The following MRPS5 variants were observed in gnomAD, a reference collection of about 807,000 sequenced individuals.
The protein encoded by MRPS5 is small ribosomal subunit protein uS5m.
MRPS5 carries 27 observed loss-of-function variants against 51.9 expected under a neutral mutation model. The ratio of observed to expected loss-of-function variants is 0.52; its 90% CI spans 0.38 to 0.72. MRPS5 has a LOEUF of 0.72. MRPS5 is among the 30% of genes least tolerant of loss of function. MRPS5 has a pLI of 0.00. For synonymous variants in MRPS5, 196 were observed against 193.2 expected (o/e 1.01, Z -0.12); for missense variants, 570 against 545.7 (o/e 1.04, Z -0.44).
At position 95,087,199 on chromosome 2, in the gene MRPS5, TCAA is replaced by T; in HGVS notation, c.*155_*157del. The T allele has an allele frequency of 1.7e-6, 1 of 597,052 alleles. No individual in the cohort carries two copies. Among genetic ancestry groups the T allele is most frequent in the Non-Finnish European group, 2.9e-6 (1 of 341,562 alleles). The allele number at this position is 597,052 out of a possible 1,614,324, so 37.0% of individuals were successfully genotyped here. ...TATCACATTGGCATATAACATGTGC[TCAA>T]CAAATGAAAGCTATAATTATTTATT... On this transcript the variant is annotated 3_prime_UTR_variant, in exon 12 of 12. Coordinates refer to ENST00000272418, the MANE Select transcript of MRPS5 (RefSeq NM_031902.5).
chr2:95,089,791 G>C (rs1675403867), intron 11 of MRPS5, among the ~76,000 whole-genome samples: 1 of 152,182 alleles, frequency 6.6e-6, no homozygotes, highest in Non-Finnish European at 1.5e-5. Context: ...TGGAGCTTTA[G>C]AACAAGCAGG....
intron 10 of MRPS5, among the ~76,000 whole-genome samples, chr2:95,099,137 C>T (rs797001491): frequency 1.3e-5 from 2 of 151,420 alleles, no homozygotes; most frequent in Non-Finnish European, 2.9e-5. Context: ...CCAAGATGGT[C>T]TCAATCTCCG....
intron 10 of MRPS5, 159 bp from the exon 11 acceptor site, chr2:95,090,681 A>T: frequency 1.5e-6 from 1 of 665,814 alleles, no homozygotes; most frequent in Non-Finnish European, 2.5e-6. Flanking sequence ...CAACTTACTT[A>T]ACTTCCAAGA....
At chr2:95,114,045 G>A (rs1377062534) in intron 3 of MRPS5, among the ~76,000 whole-genome samples, 3 of 144,756 alleles carry the variant, frequency 2.1e-5, no homozygotes, top group Non-Finnish European at 3.0e-5. Flanking sequence ...GCTCAAGCCC[G>A]GGAGGTGGAG....
chr2:95,090,319 G>A (rs1293487774), intron 11 of MRPS5, 67 bp downstream of exon 11: 125 of 1,561,802 alleles, frequency 8.0e-5, no homozygotes, highest in Non-Finnish European at 1.0e-4. Flanking sequence ...CCAGGGCATC[G>A]TAGCCCCAAC....
intron 7 of MRPS5, among the ~76,000 whole-genome samples, chr2:95,102,238 G>A (rs1219051750): frequency 6.6e-6 from 1 of 151,682 alleles, no homozygotes; most frequent in Non-Finnish European, 1.5e-5. Context: ...AAATTTAGAT[G>A]TATTTATAAA....
chr2:95,099,799 C>G (rs376729891), intron 10 of MRPS5, among the ~76,000 whole-genome samples: 1 of 152,250 alleles, frequency 6.6e-6, no homozygotes, highest in African/African-American at 2.4e-5. Flanking sequence ...GCTCTAGCAA[C>G]GTTGTATTAG....
At chr2:95,088,253 T>G (rs1239605869) in intron 11 of MRPS5, among the ~76,000 whole-genome samples, 2 of 152,204 alleles carry the variant, frequency 1.3e-5, no homozygotes, top group African/African-American at 4.8e-5. Context: ...CAGGGTATTT[T>G]TTAAAATCCT....
chr2:95,111,544 T>C (rs1421140334), intron 3 of MRPS5, among the ~76,000 whole-genome samples: 2 of 152,118 alleles, frequency 1.3e-5, no homozygotes, highest in East Asian at 3.8e-4. Context: ...AAGAGGAAAA[T>C]AAAATATCTA....
Position 95,085,449 on chromosome 2 carries a change from G to C in MRPS5, c.*1908C>G, listed in dbSNP as rs187780058. On this transcript the variant is annotated 3_prime_UTR_variant, in exon 12 of 12. Transcript: ENST00000272418. ...TTTATATTTGTTAGGTACTTAAGAA[G>C]GAAAACTAACAGGACAGATAAGTTT... is the stretch of plus-strand genomic sequence containing the variant. 1.2e-4 allele frequency among the ~76,000 whole-genome samples: 18 copies of C among 152,264 alleles called. No homozygotes were observed. Among genetic ancestry groups the C allele is most frequent in the Admixed American group, 1.2e-3 (18 of 15,298 alleles).
At chr2:95,091,769 A>G (rs796212881) in intron 10 of MRPS5, 3 of 152,340 alleles carry the variant, frequency 2.0e-5, no homozygotes, top group African/African-American at 7.2e-5. Context: ...ATTATGCCAG[A>G]GCATGCAAGA....
intron 6 of MRPS5, among the ~76,000 whole-genome samples, chr2:95,105,227 ATTCTGTGTATTTTT>A (rs1255449797): frequency 6.6e-6 from 1 of 152,226 alleles, no homozygotes; most frequent in African/African-American, 2.4e-5. Flanking sequence ...ATACCTGCTT[ATTCTGTGTATTTTT>A]TTCTGTGTAT....
In MRPS5 at chr2:95,121,730, T is replaced by C; in HGVS notation, c.58+4A>G. 1 of 1,542,144 alleles carries C rather than the reference T, an allele frequency of 6.5e-7. No homozygotes were observed. Among genetic ancestry groups the C allele is most frequent in the Non-Finnish European group, 8.7e-7 (1 of 1,152,286 alleles). On this transcript the variant is annotated splice_donor_region_variant and intron_variant, in intron 1 of 11. Transcript: ENST00000272418. ...GCCCCTGCTCCCGGCGTCCCAGCTC[T>C]CACCTGCCGTCCCGCTACACAGCAC... is the stretch of plus-strand genomic sequence containing the variant.
chr2:95,111,809 TA>T (rs547006601), intron 3 of MRPS5, among the ~76,000 whole-genome samples: 14 of 152,198 alleles, frequency 9.2e-5, no homozygotes, highest in Non-Finnish European at 1.9e-4. Flanking sequence ...CTGTTTTTTT[TA>T]AATTTAATAT....
intron 7 of MRPS5, chr2:95,104,245 C>A (rs969181999): frequency 6.2e-6 from 1 of 162,354 alleles, no homozygotes; most frequent in East Asian, 1.8e-4. Context: ...TTTTTTTTAA[C>A]TTAGCATTAT....
intron 10 of MRPS5, among the ~76,000 whole-genome samples, chr2:95,098,008 A>AT (rs1309604292): frequency 2.0e-5 from 3 of 152,222 alleles, no homozygotes; most frequent in East Asian, 3.8e-4. Context: ...ACAAGAAAAA[A>AT]TCAAACTACC....
intron 10 of MRPS5, among the ~76,000 whole-genome samples, chr2:95,099,690 A>T (rs1171053259): frequency 6.6e-6 from 1 of 152,184 alleles, no homozygotes; most frequent in Non-Finnish European, 1.5e-5. Context: ...CAGCATTTAA[A>T]TGATTAATTA....
intron 11 of MRPS5, 101 bp from the exon 12 acceptor site, chr2:95,087,682 C>T: frequency 2.1e-6 from 2 of 960,614 alleles, no homozygotes; most frequent in Non-Finnish European, 1.6e-6. Context: ...TGGGGGTATT[C>T]AAAGGCCATT....
In MRPS5 at chr2:95,087,631, C is replaced by A. The variant is rs1212807696; in HGVS notation, c.1069-50G>T. ...GGTTAGGTCTGAAGTACATTTGCAA[C>A]ATAAAGAGCAGGAACTTCCACAGGC... is the stretch of plus-strand genomic sequence containing the variant. On this transcript the variant is annotated intron_variant, in intron 11 of 11. Coordinates refer to ENST00000272418, the MANE Select transcript of MRPS5 (RefSeq NM_031902.5). 3 of 1,517,822 alleles carry A rather than the reference C, an allele frequency of 2.0e-6. No homozygotes were observed. In the East Asian group the frequency reaches 6.8e-5, roughly 34 times the overall value. The allele number at this position is 1,517,822 out of a possible 1,614,324, so 94.0% of individuals were successfully genotyped here.
Sources: gnomAD v4.1 joint callset for allele counts (sites outside exome capture counted in the v4.1 genomes callset) on GRCh38, gnomAD v4.1.1 for gene constraint, MANE v1.5 for transcripts, NCBI Gene and HGNC (gene_info 2026-07-23, HGNC 2026-07-21) for gene names.